Variants in VBP1 observed in about 807,000 individuals in gnomAD.
VBP1 encodes the protein prefoldin subunit 3.
Under a neutral mutation model 15.5 loss-of-function variants are expected in VBP1, and 4 were observed. That is an observed-to-expected ratio of 0.26 (90% CI 0.13 to 0.59). The LOEUF (loss-of-function observed/expected upper bound fraction) is 0.59. Among genes scored for constraint, VBP1 ranks in the 20% least tolerant of loss-of-function variants. The pLI is 0.90. For missense variants in VBP1, 108 were observed against 139.6 expected, an observed-to-expected ratio of 0.77 and a Z score of 1.14; for synonymous variants, 61 against 52.1, an observed-to-expected ratio of 1.17 and a Z score of -0.74.
rs1002277449 is a variant in VBP1, at chrX:155,235,911, C to G, written c.385-318C>G. Among the ~76,000 whole-genome samples the G allele has an allele frequency of 4.5e-5, 5 of 111,971 alleles. No homozygotes were observed. The Admixed American group carries it at 4.7e-4, about 11-fold the overall frequency. ...TAACTGTGAAGAAGACAACTTTGGC[C>G]TCAGCAGGGTTGAGGATTAAATGAT... On this transcript the variant is annotated intron_variant, in intron 4 of 5. Transcript: ENST00000286428.
At chrX:155,234,160 G>A (rs6642261) in intron 4 of VBP1, among the ~76,000 whole-genome samples, 10 of 77,695 alleles carry the variant, frequency 1.3e-4, no homozygotes, top group African/African-American at 5.2e-4. Context: ...TTGTTCTGTC[G>A]CCCGGGCTGG....
intron 4 of VBP1, among the ~76,000 whole-genome samples, chrX:155,232,048 C>T (rs996798972): frequency 1.7e-4 from 19 of 111,546 alleles, no homozygotes; most frequent in African/African-American, 5.5e-4. Context: ...TTTCTCCAAC[C>T]GTATATAAAA....
At chrX:155,214,057 C>G (rs781866704), upstream of VBP1, among the ~76,000 whole-genome samples, 83 of 112,042 alleles carry the variant, frequency 7.4e-4, no homozygotes, top group Non-Finnish European at 1.3e-3. Flanking sequence ...GCAGATTCAG[C>G]TTAAAAGTGA....
At chrX:155,199,136 T>C (rs2074591041) in intron 1 of VBP1, among the ~76,000 whole-genome samples, 1 of 111,571 alleles carries the variant, frequency 9.0e-6, no homozygotes, top group Admixed American at 9.5e-5. Flanking sequence ...AACTGATTGG[T>C]GTACCTGAAA....
intron 4 of VBP1, among the ~76,000 whole-genome samples, chrX:155,234,364 ACTCAT>A (rs1320212078): frequency 2.8e-5 from 3 of 108,696 alleles, no homozygotes; most frequent in Non-Finnish European, 3.8e-5. Flanking sequence ...CAAGTGATCC[ACTCAT>A]CTCAGCCTGC....
chrX:155,232,624 A>G (rs989956543), intron 4 of VBP1, among the ~76,000 whole-genome samples: 1 of 112,240 alleles, frequency 8.9e-6, no homozygotes, highest in Non-Finnish European at 1.9e-5. Context: ...AATTAAAAGC[A>G]CAATGTGATC....
chrX:155,214,768 C>CTTTTTTTT (rs782556765), upstream of VBP1, among the ~76,000 whole-genome samples: 1 of 83,076 alleles, frequency 1.2e-5, no homozygotes, highest in Non-Finnish European at 2.2e-5. Flanking sequence ...TTTTCTTTTC[C>CTTTTTTTT]TTTTTTTTTT....
Position 155,232,607 on chromosome X carries a change from A to C in VBP1, c.385-3622A>C, listed in dbSNP as rs1277545584. ...TGTCCCACTTCATTAGTAAACAGGG[A>C]AATGCAAATTAAAAGCACAATGTGA... On this transcript the variant is annotated intron_variant, in intron 4 of 5. Transcript: ENST00000286428. Among the ~76,000 whole-genome samples, 5 of 112,249 alleles carry C rather than the reference A, an allele frequency of 4.5e-5. No homozygotes were observed. In the Admixed American group the frequency reaches 4.7e-4, roughly 11 times the overall value.
chrX:155,198,109 G>C (rs2074585765), intron 1 of VBP1, among the ~76,000 whole-genome samples: 1 of 112,828 alleles, frequency 8.9e-6, no homozygotes, highest in Non-Finnish European at 1.9e-5. Flanking sequence ...CAGCCAGGAA[G>C]CTCGAACTGG....
At chrX:155,210,049 C>T (rs1474543440) in intron 2 of VBP1, among the ~76,000 whole-genome samples, 1 of 111,115 alleles carries the variant, frequency 9.0e-6, no homozygotes, top group Non-Finnish European at 1.9e-5. Flanking sequence ...TTTAATTTGA[C>T]GTTTGGAGGT....
intron 2 of VBP1, among the ~76,000 whole-genome samples, chrX:155,224,123 C>T (rs1386046295): frequency 1.0e-4 from 11 of 108,054 alleles, no homozygotes; most frequent in South Asian, 4.0e-4. Context: ...CCAGAGTGGG[C>T]GGCCGGGCAG....
chrX:155,236,605 C>A (rs781869712), intron 5 of VBP1, among the ~76,000 whole-genome samples: 1 of 111,810 alleles, frequency 8.9e-6, no homozygotes, highest in African/African-American at 3.3e-5. Flanking sequence ...ATACAAAAAA[C>A]CTCCCACATT....
upstream of VBP1, chrX:155,216,268 C>A: frequency 1.3e-6 from 1 of 778,826 alleles, no homozygotes; most frequent in Non-Finnish European, 1.8e-6. Context: ...TTTCGCGGCC[C>A]TTCCACGCTT....
At chrX:155,200,173 C>G (rs1194956311) in intron 1 of VBP1, among the ~76,000 whole-genome samples, 1 of 104,695 alleles carries the variant, frequency 9.6e-6, no homozygotes, top group Non-Finnish European at 2.0e-5. Flanking sequence ...GACTTTAACA[C>G]CCCACTGTCA....
At chrX:155,212,196 G>T (rs1557308591), upstream of VBP1, among the ~76,000 whole-genome samples, 1 of 112,008 alleles carries the variant, frequency 8.9e-6, no homozygotes, top group South Asian at 3.7e-4. Flanking sequence ...TTATTATACA[G>T]GAAAACTTGT....
chrX:155,204,287 G>T (rs1164833445), intron 1 of VBP1, among the ~76,000 whole-genome samples: 1 of 110,926 alleles, frequency 9.0e-6, no homozygotes, highest in Non-Finnish European at 1.9e-5. Flanking sequence ...CAGGTAGCTG[G>T]GGTTACAGGC....
At chrX:155,224,141 C>T (rs2074707276) in intron 2 of VBP1, among the ~76,000 whole-genome samples, 1 of 111,018 alleles carries the variant, frequency 9.0e-6, no homozygotes, top group African/African-American at 3.3e-5. Context: ...CAGAGGGGCT[C>T]CTCACATCCC....
intron 2 of VBP1, among the ~76,000 whole-genome samples, chrX:155,222,316 T>C (rs190581722): frequency 9.9e-5 from 11 of 111,001 alleles, no homozygotes; most frequent in Non-Finnish European, 1.9e-4. Flanking sequence ...AAACCCTATA[T>C]CTACAAAAAT....
At chrX:155,214,611 T>A (rs1237493386), upstream of VBP1, among the ~76,000 whole-genome samples, 3 of 111,871 alleles carry the variant, frequency 2.7e-5, no homozygotes, top group African/African-American at 9.8e-5. Flanking sequence ...CTACAACCTT[T>A]TAAAGTCTGT....
Sources: gnomAD v4.1 joint callset for allele counts (sites outside exome capture counted in the v4.1 genomes callset) on GRCh38, gnomAD v4.1.1 for gene constraint, MANE v1.5 for transcripts, NCBI Gene and HGNC (gene_info 2026-07-23, HGNC 2026-07-21) for gene names.